NES: variants seen among roughly 807,000 people sequenced by gnomAD.
NES encodes the protein nestin.
NES carries 27 observed loss-of-function variants against 35.6 expected under a neutral mutation model. The observed-to-expected ratio is 0.76, with a 90% CI of 0.56 to 1.04. The LOEUF (loss-of-function observed/expected upper bound fraction) is 1.04, where lower values mean the gene tolerates loss of function less well. NES is among the 50% of genes least tolerant of loss of function. NES has a pLI of 0.00. For missense variants in NES, 1,867 were observed against 1,983.6 expected (o/e 0.94, Z 1.12); for synonymous variants, 822 against 824.2 (o/e 1.00, Z 0.04).
In NES at chr1:156,671,380, C is replaced by G; in HGVS notation, c.2808G>C (p.Glu936Asp). The G allele has an allele frequency of 1.2e-6, 2 of 1,614,074 alleles. No individual in the cohort carries two copies. Among genetic ancestry groups the G allele is most frequent in the Non-Finnish European group, 1.7e-6 (2 of 1,180,036 alleles). The change falls in exon 4 of 4, where the codon GAG becomes GAC. Residue 936 changes from glutamate (E) to aspartate (D), a missense_variant. Transcript: ENST00000368223. ...GEYQESLRSLEEEGQELPQSA... is the reference protein window; with the variant it reads ...GEYQESLRSLDEEGQELPQSA... ...ACTGCGGCAGCTCCTGTCCCTCCTCCTCCAGAGACCTCAGTGACTCTTGGT... is the reference window on the plus strand; with the variant it reads ...ACTGCGGCAGCTCCTGTCCCTCCTCGTCCAGAGACCTCAGTGACTCTTGGT...
At chr1:156,675,395 C>G (rs539815744) in intron 1 of NES, 55 bp from the exon 2 acceptor site, 1 of 1,538,888 alleles carries the variant, frequency 6.5e-7, no homozygotes, top group Non-Finnish European at 8.8e-7. Context: ...TTCTGTGAAC[C>G]AACCTGCCTC....
In NES at chr1:156,677,107, C is replaced by A; in HGVS notation, c.158G>T (p.Arg53Leu). Residue 53 changes from arginine to leucine, a missense_variant, in exon 1 of 4, where the codon CGG becomes CTG. Transcript: ENST00000368223. This position sits in a 1 kb window ranked among gnomAD's most constrained non-coding sequence, Gnocchi z 4.5. ...CGCCAGCTCGTCGTCGGCATGCGCC[C>A]GCCAGGAGGTGTCCGCGGATTGTGC... ...LRAQSADTSW[R>L]AHADDELAAL... 1 of 1,605,222 alleles carries A rather than the reference C, an allele frequency of 6.2e-7. No individual in the cohort carries two copies. The highest frequency in any genetic ancestry group is 2.3e-5 in the East Asian group (1 of 44,366).
At position 156,673,113 on chromosome 1, in the gene NES, G is replaced by T; in HGVS notation, c.1075C>A (p.Pro359Thr). Residue 359 changes from proline to threonine, a missense_variant, in exon 4 of 4, where the codon CCC becomes ACC. Transcript: ENST00000368223. ...PVLSPTSLPS[P>T]LPATLETPVP... ...GGTGTCTCAAGGGTAGCAGGCAAGG[G>T]TGAGGGGAGGGAAGTTGGGCTCAGG... 5 of 1,590,480 alleles carry T rather than the reference G, an allele frequency of 3.1e-6. No homozygotes were observed. Among genetic ancestry groups the T allele is most frequent in the Non-Finnish European group, 4.3e-6 (5 of 1,166,120 alleles).
chr1:156,672,975 T>C lies in NES; in HGVS notation c.1213A>G (p.Ile405Val). The change falls in exon 4 of 4, where the codon ATC becomes GTC. Residue 405 changes from isoleucine to valine, a missense_variant. Ile to Val is a conservative substitution (Grantham distance 29). Coordinates refer to ENST00000368223, the MANE Select transcript of NES (RefSeq NM_006617.2). The part of the protein sequence containing the change: ...QAPSPAVDAE[I>V]RAQDAPLSLL... ...GAGAGAGGAGCATCCTGGGCTCTGA[T>C]CTCTGCATCTACAGCAGGAGAGGGT... 1 of 1,613,982 alleles carries C rather than the reference T, an allele frequency of 6.2e-7. No homozygotes were observed. Among genetic ancestry groups the C allele is most frequent in the Non-Finnish European group, 8.5e-7 (1 of 1,179,964 alleles).
In NES at chr1:156,669,868, C is replaced by A. The variant is rs745630113; in HGVS notation, c.4320G>T (p.Gly1440=). The A allele has an allele frequency of 3.5e-5, 56 of 1,613,668 alleles. No homozygotes were observed. Among genetic ancestry groups the A allele is most frequent in the Non-Finnish European group, 4.3e-5 (51 of 1,179,926 alleles). The change falls in exon 4 of 4, where the codon GGG becomes GGT. Residue 1440 remains glycine, a synonymous_variant. Transcript: ENST00000368223. ...GGGCCTGGAGGCTGCCAACAGAAGA[C>A]CCTGGCCCCCACCGCCCAGCCCCTG... The part of the protein sequence containing the change: ...REPGAGRWGP[G]SSVGSLQALS...
rs1369535189 is a variant in NES at position 156,676,868 on chromosome 1, G to C, written c.397C>G (p.Leu133Val). ...RAWLSSQVAE[L>V]ERELEALRVA... The stretch of plus-strand genomic sequence containing the variant: ...CGTAGAGCCTCTAGCTCGCGCTCCA[G>C]CTCTGCCACCTGGCTACTCAGCCAG... Residue 133 changes from leucine to valine, a missense_variant, in exon 1 of 4, where the codon CTG (leucine) becomes GTG (valine). Coordinates refer to ENST00000368223, the MANE Select transcript of NES (RefSeq NM_006617.2). This position sits in a 1 kb window ranked among gnomAD's most constrained non-coding sequence, Gnocchi z 5.3. 1.3e-6 allele frequency: 2 copies of C among 1,531,430 alleles called. No individual in the cohort carries two copies. Among genetic ancestry groups the C allele is most frequent in the African/African-American group, 1.4e-5 (1 of 70,242 alleles). The allele number at this position is 1,531,430 out of a possible 1,614,324, so 94.9% of individuals were successfully genotyped here.
chr1:156,669,396 GGT>G lies in NES; in HGVS notation c.4790_4791del (p.His1597ProfsTer16), dbSNP rs1315279090. ...LKTSWAGAPV[H>X]LGQGQFLKFT... ...AACTTCAGGAACTGACCCTGGCCCA[GGT>G]GAACAGGAGCCCCTGCCCAAGAGGT... On this transcript the variant is annotated frameshift_variant, in exon 4 of 4. Coordinates refer to ENST00000368223, the MANE Select transcript of NES (RefSeq NM_006617.2). LOFTEE classifies it high-confidence loss of function. The G allele has an allele frequency of 5.0e-6, 8 of 1,611,464 alleles. No homozygotes were observed. The East Asian group carries it at 1.6e-4, about 32-fold the overall frequency.
At position 156,670,240 on chromosome 1, in the gene NES, A is replaced by T; in HGVS notation, c.3948T>A (p.Thr1316=). The T allele has an allele frequency of 1.2e-6, 2 of 1,613,330 alleles. No individual in the cohort carries two copies. Among genetic ancestry groups the T allele is most frequent in the Non-Finnish European group, 1.7e-6 (2 of 1,179,578 alleles). Residue 1316 remains threonine (T), a synonymous_variant, in exon 4 of 4, where the codon ACT becomes ACA. Coordinates refer to ENST00000368223, the MANE Select transcript of NES (RefSeq NM_006617.2). ...RSPTSPRWDP[T]GEQRPPPQGE... ...CTTGAGGGGGTGGCCTCTGCTCTCC[A>T]GTGGGGTCCCACCTGGGGGAGGTGG... is the stretch of plus-strand genomic sequence containing the variant.
In NES at chr1:156,671,450, C is replaced by G. The variant is rs888189138; in HGVS notation, c.2738G>C (p.Ser913Thr). The change falls in exon 4 of 4, where the codon AGT becomes ACT. Residue 913 changes from serine (S) to threonine (T), a missense_variant. By Grantham distance (58) the Ser-to-Thr change is moderately conservative (BLOSUM62 1). Coordinates refer to ENST00000368223, the MANE Select transcript of NES (RefSeq NM_006617.2). ...LRSPEEVDKE[S>T]QRNLEEEENL... ...CTCTTCCTCTTCCAGATTCCTTTGA[C>G]TTTCCTTGTCTACCTCCTCTGGAGA... 2.5e-6 allele frequency: 4 copies of G among 1,613,880 alleles called. No individual in the cohort carries two copies. The highest frequency in any genetic ancestry group is 3.4e-6 in the Non-Finnish European group (4 of 1,180,034).
At position 156,670,388 on chromosome 1, in the gene NES, C is replaced by T. The variant is rs745355787; in HGVS notation, c.3800G>A (p.Gly1267Asp). Residue 1267 changes from glycine to aspartate, a missense_variant, in exon 4 of 4, where the codon GGT (glycine) becomes GAT (aspartate). Coordinates refer to ENST00000368223, the MANE Select transcript of NES (RefSeq NM_006617.2). ...GGGGCCCTCGGGGATCTCCCCAGAA[C>T]CCAACTCCTCCTGCTCGCTCTCTAC... ...GKVESEQEELGSGEIPEGPQE... is the reference protein window; with the variant it reads ...GKVESEQEELDSGEIPEGPQE... 2 of 1,593,360 alleles carry T rather than the reference C, an allele frequency of 1.3e-6. No individual in the cohort carries two copies. The highest frequency in any genetic ancestry group is 2.3e-5 in the South Asian group (2 of 87,596).
At position 156,670,146 on chromosome 1, in the gene NES, C is replaced by T. The variant is rs1326653763; in HGVS notation, c.4042G>A (p.Glu1348Lys). The change falls in exon 4 of 4, where the codon GAA becomes AAA. Residue 1348 changes from glutamate (E) to lysine (K), a missense_variant. Coordinates refer to ENST00000368223, the MANE Select transcript of NES (RefSeq NM_006617.2). ...TCTCCCTCCTCCCCCTCCTCCTTTT[C>T]TGAGGGTGGGGCCTCAAGGCCCTCG... ...ASEGLEAPPS[E>K]KEEGEEGEEE... 6.2e-7 allele frequency: 1 copy of T among 1,614,052 alleles called. No individual in the cohort carries two copies. Among genetic ancestry groups the T allele is most frequent in the Non-Finnish European group, 8.5e-7 (1 of 1,180,000 alleles).
intron 2 of NES, among the ~76,000 whole-genome samples, chr1:156,674,127 G>A (rs1679792545): frequency 6.6e-6 from 1 of 152,120 alleles, no homozygotes; most frequent in Admixed American, 6.5e-5. Flanking sequence ...CCTTCCCCTT[G>A]GTGGCTTCAC....
chr1:156,672,228 G>T lies in NES; in HGVS notation c.1960C>A (p.Gln654Lys). 6.3e-7 allele frequency: 1 copy of T among 1,597,802 alleles called. No individual in the cohort carries two copies. Among genetic ancestry groups the T allele is most frequent in the South Asian group, 1.1e-5 (1 of 88,226 alleles). The stretch of plus-strand genomic sequence containing the variant: ...TCTTGCAGAGAACTTACTAATTCTT[G>T]ATTTTCCGTTCCTGGAAATAAAAAT... ...ETFLFPGTEN[Q>K]ELVSSLQENL... Residue 654 changes from glutamine (Q) to lysine (K), a missense_variant, in exon 4 of 4, where the codon CAA becomes AAA. Coordinates refer to ENST00000368223, the MANE Select transcript of NES (RefSeq NM_006617.2).
At chr1:156,675,087 C>T (rs757100530) in intron 2 of NES, 129 bp downstream of exon 2, 65 of 1,232,318 alleles carry the variant, frequency 5.3e-5, no homozygotes, top group Middle Eastern at 1.9e-4. Context: ...AGTGACCAGC[C>T]TAGAGTCACA....
At chr1:156,675,009 G>A (rs1239928025) in intron 2 of NES, among the ~76,000 whole-genome samples, 1 of 152,234 alleles carries the variant, frequency 6.6e-6, no homozygotes, top group Admixed American at 6.5e-5. Context: ...CCTGGGCACA[G>A]GACATTGCTC....
At position 156,671,328 on chromosome 1, in the gene NES, T is replaced by C. The variant is rs375001753; in HGVS notation, c.2860A>G (p.Thr954Ala). The C allele has an allele frequency of 1.9e-6, 3 of 1,614,134 alleles. No individual in the cohort carries two copies. The highest frequency in any genetic ancestry group is 2.5e-6 in the Non-Finnish European group (3 of 1,180,040). The change falls in exon 4 of 4, where the codon ACG becomes GCG. Residue 954 changes from threonine to alanine, a missense_variant. Physicochemically the swap from Thr to Ala is moderately conservative, Grantham distance 58 (BLOSUM62 0). Transcript: ENST00000368223. ...GCCAGTTCTTGGTCCTTCTCCACCGTATCTTCCCACCTCTGCACATCTGCA... is the reference window on the plus strand; with the variant it reads ...GCCAGTTCTTGGTCCTTCTCCACCGCATCTTCCCACCTCTGCACATCTGCA... Reference protein sequence around the residue: ...QSADVQRWEDTVEKDQELAQE... With the variant: ...QSADVQRWEDAVEKDQELAQE...
chr1:156,669,750 C>T lies in NES; in HGVS notation c.4438G>A (p.Ala1480Thr), dbSNP rs751187138. 2 of 1,613,896 alleles carry T rather than the reference C, an allele frequency of 1.2e-6. No homozygotes were observed. The highest frequency in any genetic ancestry group is 2.7e-5 in the African/African-American group (2 of 74,914). The change falls in exon 4 of 4, where the codon GCC becomes ACC. Residue 1480 changes from alanine to threonine, a missense_variant. Transcript: ENST00000368223. ...TCCGTTTCCAGGGCAGTCTTGGGGG[C>T]ACCAGCCACTGCACCCCTCAAGCTG... is the stretch of plus-strand genomic sequence containing the variant. ...DDSLRGAVAG[A>T]PKTALETESQ...
At chr1:156,674,755 G>T (rs1326667365) in intron 2 of NES, among the ~76,000 whole-genome samples, 1 of 152,210 alleles carries the variant, frequency 6.6e-6, no homozygotes, top group African/African-American at 2.4e-5. Context: ...AAGTCCCCCA[G>T]CCCAGCCCTC....
Position 156,671,342 on chromosome 1 carries a change from T to C in NES, c.2846A>G (p.Gln949Arg), listed in dbSNP as rs1679727100. ...CTTCTCCACCGTATCTTCCCACCTC[T>C]GCACATCTGCAGACTGCGGCAGCTC... Reference protein sequence around the residue: ...GQELPQSADVQRWEDTVEKDQ... With the variant: ...GQELPQSADVRRWEDTVEKDQ... The change falls in exon 4 of 4, where the codon CAG becomes CGG. Residue 949 changes from glutamine (Q) to arginine (R), a missense_variant. Physicochemically the swap from Gln to Arg is conservative, Grantham distance 43. Transcript: ENST00000368223. 1 of 1,614,020 alleles carries C rather than the reference T, an allele frequency of 6.2e-7. No individual in the cohort carries two copies. The highest frequency in any genetic ancestry group is 1.3e-5 in the African/African-American group (1 of 74,942).
Sources: gnomAD v4.1 joint callset for allele counts (sites outside exome capture counted in the v4.1 genomes callset) on GRCh38, gnomAD v4.1.1 for gene constraint, Gnocchi (gnomAD v3.1) non-coding constraint, MANE v1.5 for transcripts, NCBI Gene and HGNC (gene_info 2026-07-23, HGNC 2026-07-21) for gene names.